Variants in FAM53C observed in about 807,000 individuals in gnomAD.
FAM53C encodes family with sequence similarity 53 member C.
A neutral mutation model predicts 34.7 loss-of-function variants in FAM53C; 10 were observed. The observed-to-expected ratio is 0.29, with a 90% confidence interval of 0.18 to 0.49. The LOEUF is 0.49. Among genes scored for constraint, FAM53C ranks in the 20% least tolerant of loss-of-function variants. The pLI, the probability that FAM53C is intolerant of heterozygous loss-of-function variation, is 0.99. For synonymous variants in FAM53C, 203 were observed against 203.6 expected (o/e 1.00, Z 0.03); for missense variants, 442 against 515.3 (o/e 0.86, Z 1.38).
In FAM53C at chr5:138,349,120, T is replaced by C. The variant is rs904457656; in HGVS notation, c.*2161T>C. 4 of 152,478 alleles carry C rather than the reference T, an allele frequency of 2.6e-5. No individual in the cohort carries two copies. The highest frequency in any genetic ancestry group is 1.3e-4 in the Admixed American group (2 of 15,290). The allele number at this position is 152,478 out of a possible 1,614,324, so 9.4% of individuals were successfully genotyped here. A position where few individuals can be genotyped will look rare whatever the true frequency, so the allele number is the denominator to read the frequency against. ...AAAACTAAGCTAGTCAGAACTGTCA[T>C]CTTGCTTCCCAATCTAAGAACCTGT... On this transcript the variant is annotated 3_prime_UTR_variant, in exon 5 of 5. Transcript: ENST00000239906.
chr5:138,337,905 T>C, upstream of FAM53C: 2 of 1,239,560 alleles, frequency 1.6e-6, no homozygotes, highest in Non-Finnish European at 2.1e-6. Flanking sequence ...AGTGGGAGGC[T>C]GCAGTTGGGC....
rs1760917732 is a variant in FAM53C, at chr5:138,338,787, CTACCTG to C, written c.-153+482_-153+487del. 2.0e-5 allele frequency among the ~76,000 whole-genome samples: 3 copies of C among 152,364 alleles called. No homozygotes were observed. The East Asian group carries it at 5.8e-4, about 29-fold the overall frequency. On this transcript the variant is annotated intron_variant, in intron 1 of 4. Transcript: ENST00000239906. ...GGAAGAAGAGCAGGCAGATCTCCAC[CTACCTG>C]TTCATGCAGCTCCCTGCCTTCCTCA...
upstream of FAM53C, chr5:138,337,743 C>A: frequency 2.9e-6 from 1 of 345,762 alleles, no homozygotes. Context: ...GGCCCTAATC[C>A]GCGCTTGGAC....
Position 138,349,310 on chromosome 5 carries a change from A to G in FAM53C, c.*2351A>G, listed in dbSNP as rs926066296. Reference sequence around the variant, plus strand: ...TTTGTAAAGCAAGCAACCTCCCTCCACTTTAGCTGTTTTGACTATTTGAAT... The same window carrying G: ...TTTGTAAAGCAAGCAACCTCCCTCCGCTTTAGCTGTTTTGACTATTTGAAT... On this transcript the variant is annotated 3_prime_UTR_variant, in exon 5 of 5. Transcript: ENST00000239906. 6.6e-6 allele frequency: 1 copy of G among 152,568 alleles called. No individual in the cohort carries two copies. Among genetic ancestry groups the G allele is most frequent in the Non-Finnish European group, 1.5e-5 (1 of 68,016 alleles). The allele number at this position is 152,568 out of a possible 1,614,324, so 9.5% of individuals were successfully genotyped here.
At position 138,347,210 on chromosome 5, in the gene FAM53C, G is replaced by C. The variant is rs1170138384; in HGVS notation, c.*251G>C. ...CCCTTCCTATGGCGGCCCTGAGTGT[G>C]AGTATCCCTGCCACCAAGAGAGCAA... On this transcript the variant is annotated 3_prime_UTR_variant, in exon 5 of 5. Transcript: ENST00000239906. 1.9e-6 allele frequency: 1 copy of C among 530,590 alleles called. No homozygotes were observed. The highest frequency in any genetic ancestry group is 3.3e-6 in the Non-Finnish European group (1 of 300,734). The allele number at this position is 530,590 out of a possible 1,614,324, so 32.9% of individuals were successfully genotyped here.
At chr5:138,342,175 G>A (rs151039137) in intron 3 of FAM53C, 4 of 338,560 alleles carry the variant, frequency 1.2e-5, no homozygotes, top group Admixed American at 4.3e-5. Context: ...TTACTCTCCC[G>A]TTCCCTATCT....
intron 4 of FAM53C, among the ~76,000 whole-genome samples, chr5:138,346,003 G>T (rs916121885): frequency 2.0e-5 from 3 of 152,194 alleles, no homozygotes; most frequent in Non-Finnish European, 4.4e-5. Context: ...GCTTCAAAGT[G>T]GGTCTGTGAG....
At chr5:138,340,366 A>T (rs79711534) in intron 1 of FAM53C, among the ~76,000 whole-genome samples, 4,719 of 152,318 alleles carry the variant, frequency 0.031, 172 homozygotes, top group Admixed American at 0.1. Flanking sequence ...GAATAGATAG[A>T]ACAAAATCAA....
chr5:138,338,059 C>T (rs770580764), upstream of FAM53C: 14 of 1,289,720 alleles, frequency 1.1e-5, no homozygotes, highest in South Asian at 1.7e-4. Context: ...AGTGAGGAAA[C>T]CACCCCCATC....
At chr5:138,343,958 C>T (rs1249212560) in intron 3 of FAM53C, among the ~76,000 whole-genome samples, 1 of 152,130 alleles carries the variant, frequency 6.6e-6, no homozygotes, top group Non-Finnish European at 1.5e-5. Context: ...TTGTCGTTTG[C>T]CCCAAATATC....
At chr5:138,341,457 T>C (rs759279799) in intron 2 of FAM53C, 44 bp downstream of exon 2, 18 of 1,503,652 alleles carry the variant, frequency 1.2e-5, no homozygotes, top group Non-Finnish European at 1.7e-5. Flanking sequence ...CCCTCCCCCT[T>C]TTTTCTGAGG....
intron 3 of FAM53C, among the ~76,000 whole-genome samples, chr5:138,344,267 C>G (rs1761108206): frequency 6.6e-6 from 1 of 152,144 alleles, no homozygotes; most frequent in African/African-American, 2.4e-5. Context: ...ACCCTGTTTG[C>G]CCTCCCTAGG....
At position 138,349,345 on chromosome 5, in the gene FAM53C, T is replaced by C. The variant is rs1050348670; in HGVS notation, c.*2386T>C. The C allele has an allele frequency of 6.5e-6, 1 of 152,716 alleles. No homozygotes were observed. The highest frequency in any genetic ancestry group is 1.5e-5 in the Non-Finnish European group (1 of 68,058). The allele number at this position is 152,716 out of a possible 1,614,324, so 9.5% of individuals were successfully genotyped here. A position where few individuals can be genotyped will look rare whatever the true frequency, so the allele number is the denominator to read the frequency against. ...TTTTGACTATTTGAATTTTCACATA[T>C]TGGGCTTACCCAGAGTGGAGCACAC... On this transcript the variant is annotated 3_prime_UTR_variant, in exon 5 of 5. Coordinates refer to ENST00000239906, the MANE Select transcript of FAM53C (RefSeq NM_016605.3).
chr5:138,346,673 T>G, intron 4 of FAM53C, 29 bp from the exon 5 acceptor site: 1 of 1,613,140 alleles, frequency 6.2e-7, no homozygotes, highest in Non-Finnish European at 8.5e-7. Flanking sequence ...TGCCTTCAGG[T>G]GTAACTGTCT....
chr5:138,345,151 G>C lies in FAM53C; in HGVS notation c.463G>C (p.Gly155Arg). Reference protein sequence around the residue: ...IKHRGSGGGGGPQVPHQSPPK... With the variant: ...IKHRGSGGGGRPQVPHQSPPK... ...GCACCGGGGCAGTGGTGGAGGGGGT[G>C]GGCCGCAGGTGCCTCACCAGAGCCC... The change falls in exon 4 of 5, where the codon GGG (glycine) becomes CGG (arginine). Residue 155 changes from glycine to arginine, a missense_variant. Physicochemically the swap from Gly to Arg is moderately radical, Grantham distance 125. Coordinates refer to ENST00000239906, the MANE Select transcript of FAM53C (RefSeq NM_016605.3). This position sits in a 1 kb window ranked among gnomAD's most constrained non-coding sequence, Gnocchi z 6.3. 1.2e-6 allele frequency: 2 copies of C among 1,614,186 alleles called. No homozygotes were observed. Among genetic ancestry groups the C allele is most frequent in the African/African-American group, 2.7e-5 (2 of 75,054 alleles).
At position 138,346,884 on chromosome 5, in the gene FAM53C, G is replaced by A. The variant is rs1237612682; in HGVS notation, c.1104G>A (p.Arg368=). ...AGGAGGGGGCTGTGCGGTGGGGTCGGCAGGCGCTGAGCAAGCGGACACTGT... is the reference window on the plus strand; with the variant it reads ...AGGAGGGGGCTGTGCGGTGGGGTCGACAGGCGCTGAGCAAGCGGACACTGT... ...EEEEGAVRWG[R]QALSKRTLCQ... is the part of the protein sequence containing the mutation. The change falls in exon 5 of 5, where the codon CGG becomes CGA. Residue 368 remains arginine, a synonymous_variant. Transcript: ENST00000239906. 9.3e-6 allele frequency: 15 copies of A among 1,614,046 alleles called. No individual in the cohort carries two copies. Among genetic ancestry groups the A allele is most frequent in the Non-Finnish European group, 1.3e-5 (15 of 1,180,048 alleles).
In FAM53C at chr5:138,349,180, T is replaced by C. The variant is rs1761257733; in HGVS notation, c.*2221T>C. 1 of 152,698 alleles carries C rather than the reference T, an allele frequency of 6.5e-6. No individual in the cohort carries two copies. 9.5% of individuals were successfully genotyped at this position (152,698 alleles called of 1,614,324 possible). On this transcript the variant is annotated 3_prime_UTR_variant, in exon 5 of 5. Transcript: ENST00000239906. ...ACACTTTTCAAGAATTGGTTCATTT[T>C]GCTTTACACAGTAGATCTGTTCCAA...
chr5:138,341,140 G>A, intron 1 of FAM53C, 44 bp from the exon 2 acceptor site: 1 of 694,852 alleles, frequency 1.4e-6, no homozygotes, highest in Non-Finnish European at 2.7e-6. Context: ...TCTGGACCAG[G>A]TGCATCTCTA....
chr5:138,337,697 C>A (rs1291402493), upstream of FAM53C: 4 of 332,698 alleles, frequency 1.2e-5, no homozygotes, highest in Non-Finnish European at 2.3e-5. Flanking sequence ...CAGGCCGATC[C>A]GGCAGCTGCA....
Sources: allele counts gnomAD v4.1 joint callset (sites outside exome capture counted in the v4.1 genomes callset), GRCh38; gene constraint gnomAD v4.1.1; non-coding constraint Gnocchi (gnomAD v3.1); transcripts MANE v1.5; gene names NCBI Gene and HGNC (gene_info 2026-07-23, HGNC 2026-07-21).